Variants in TENM4 observed in about 807,000 individuals in gnomAD.
TENM4 encodes teneurin transmembrane protein 4, also known as teneurin-4.
TENM4 carries 82 observed loss-of-function variants against 243.3 expected under a neutral mutation model. The observed-to-expected ratio is 0.34, with a 90% CI of 0.28 to 0.40. TENM4 has a LOEUF of 0.40. Among genes scored for constraint, TENM4 ranks in the 10% least tolerant of loss-of-function variants. TENM4 has a pLI of 1.00. For synonymous variants in TENM4, 1,412 were observed against 1,456.3 expected (o/e 0.97, Z 0.69); for missense variants, 3,138 against 3,673.3 (o/e 0.85, Z 3.77).
chr11:79,093,846 G>A (rs1861015933), intron 4 of TENM4: 1 of 152,202 alleles, frequency 6.6e-6, no homozygotes, highest in Non-Finnish European at 1.5e-5. Context: ...CCAAGGCCAT[G>A]TACCTTGAGC....
At position 78,654,675 on chromosome 11, in the gene TENM4, G is replaced by C. The variant is rs1006412433; in HGVS notation, c.*3383C>G. ...TCTCCCTAAGTAGAAATCAGGCACT[G>C]GTGTGGTCCTTGGGTTAATTCTCAG... On this transcript the variant is annotated 3_prime_UTR_variant, in exon 34 of 34. Coordinates refer to ENST00000278550, the MANE Select transcript of TENM4 (RefSeq NM_001098816.3). 1 of 152,072 alleles carries C rather than the reference G, an allele frequency of 6.6e-6. No individual in the cohort carries two copies. The highest frequency in any genetic ancestry group is 2.4e-5 in the African/African-American group (1 of 41,378). The allele number at this position is 152,072 out of a possible 1,614,324, so 9.4% of individuals were successfully genotyped here. A position where few individuals can be genotyped will look rare whatever the true frequency, so the allele number is the denominator to read the frequency against.
At chr11:78,838,426 A>T (rs1053254657) in intron 12 of TENM4, among the ~76,000 whole-genome samples, 1 of 152,184 alleles carries the variant, frequency 6.6e-6, no homozygotes, top group Non-Finnish European at 1.5e-5. Flanking sequence ...AACATTTCTC[A>T]ATCTTTTTCT....
In TENM4 at chr11:78,670,158, G is replaced by C. The variant is rs765332754; in HGVS notation, c.6187C>G (p.Leu2063Val). 6.2e-6 allele frequency: 10 copies of C among 1,613,962 alleles called. No individual in the cohort carries two copies. The highest frequency in any genetic ancestry group is 7.6e-6 in the Non-Finnish European group (9 of 1,179,898). ...CTIRYRQIGP[L>V]IDRQIFRFTE... ...AAGCGGAAGATCTGTCGGTCAATCA[G>C]GGGCCCAATCTGACGGTAGCGGATG... is the stretch of plus-strand genomic sequence containing the variant. The change falls in exon 32 of 34, where the codon CTG becomes GTG. Residue 2063 changes from leucine (L) to valine (V), a missense_variant. Leu to Val is a conservative substitution (Grantham distance 32). Around this residue, in one of 2 missense-constraint regions of TENM4, gnomAD observed 2,467 missense variants for 3,059.1 expected, o/e 0.81. Coordinates refer to ENST00000278550, the MANE Select transcript of TENM4 (RefSeq NM_001098816.3).
intron 6 of TENM4, among the ~76,000 whole-genome samples, chr11:79,044,213 A>C (rs1046572783): frequency 2.0e-5 from 3 of 152,252 alleles, no homozygotes; most frequent in Admixed American, 2.0e-4. Flanking sequence ...TAAACACAAA[A>C]GCAGGGCTGT....
intron 16 of TENM4, among the ~76,000 whole-genome samples, chr11:78,785,183 G>C (rs1485144232): frequency 6.6e-6 from 1 of 152,074 alleles, no homozygotes; most frequent in African/African-American, 2.4e-5. Context: ...TTAAAGAAGA[G>C]GCCCCCTCAG....
chr11:79,247,027 A>C (rs2135294844), intron 2 of TENM4, among the ~76,000 whole-genome samples: 1 of 151,112 alleles, frequency 6.6e-6, no homozygotes, highest in East Asian at 2.0e-4. Context: ...ACAAAACCAA[A>C]ATGATAAGGC....
At chr11:79,164,180 T>A (rs1200282276) in intron 3 of TENM4, among the ~76,000 whole-genome samples, 15 of 124,406 alleles carry the variant, frequency 1.2e-4, no homozygotes, top group African/African-American at 4.1e-4. Flanking sequence ...TGGCATACTA[T>A]AGTGTATATA....
At chr11:79,159,880 C>T (rs1339662127) in intron 3 of TENM4, among the ~76,000 whole-genome samples, 1 of 152,144 alleles carries the variant, frequency 6.6e-6, no homozygotes, top group African/African-American at 2.4e-5. Flanking sequence ...ATTCAGTTCC[C>T]CCAATTTTCA....
At position 78,986,683 on chromosome 11, in the gene TENM4, C is replaced by G. The variant is rs369498417; in HGVS notation, c.493+78055G>C. Reference sequence around the variant, plus strand: ...CCACCTCCCGAGTTCAAGCTATTCTCCTGCCTCAGCCTCCTGAGTAGCTGG... The same window carrying G: ...CCACCTCCCGAGTTCAAGCTATTCTGCTGCCTCAGCCTCCTGAGTAGCTGG... On this transcript the variant is annotated intron_variant, in intron 6 of 33. Transcript: ENST00000278550. Among the ~76,000 whole-genome samples the G allele has an allele frequency of 1.8e-4, 27 of 152,334 alleles. No individual in the cohort carries two copies. In the South Asian group the frequency reaches 5.4e-3, roughly 30 times the overall value.
Position 78,879,899 on chromosome 11 carries a change from G to A in TENM4, c.1084+9886C>T, listed in dbSNP as rs552515449. Among the ~76,000 whole-genome samples, 5 of 152,242 alleles carry A rather than the reference G, an allele frequency of 3.3e-5. No homozygotes were observed. In the East Asian group the frequency reaches 9.7e-4, roughly 29 times the overall value. On this transcript the variant is annotated intron_variant, in intron 9 of 33. Coordinates refer to ENST00000278550, the MANE Select transcript of TENM4 (RefSeq NM_001098816.3). ...TCTGCCTGGCTGCCCCGTCTGGGAA[G>A]TGAGGAGCACCTCTGCCCAGCTGCC... is the stretch of plus-strand genomic sequence containing the variant.
At chr11:79,221,653 C>T (rs527726865) in intron 2 of TENM4, among the ~76,000 whole-genome samples, 355 of 152,062 alleles carry the variant, frequency 2.3e-3, no homozygotes, top group Non-Finnish European at 3.8e-3. Context: ...CCTCTCTGTC[C>T]TGAACGTCAA....
chr11:78,863,209 G>A (rs1858868711), intron 9 of TENM4, 77 bp from the exon 10 acceptor site: 3 of 1,402,620 alleles, frequency 2.1e-6, no homozygotes, highest in Admixed American at 2.4e-5. Flanking sequence ...AGGGAAAGGT[G>A]GGCAGGGTGG....
Position 78,658,109 on chromosome 11 carries a change from G to A in TENM4, c.8259C>T (p.Asp2753=), listed in dbSNP as rs764877607. 1.9e-6 allele frequency: 3 copies of A among 1,614,058 alleles called. No homozygotes were observed. Among genetic ancestry groups the A allele is most frequent in the East Asian group, 2.2e-5 (1 of 44,886 alleles). Reference sequence around the variant, plus strand: ...TCATGAAGTGGATGTTGTTGGCGCTGTCTGACAGTTCTGGGTACTGCTCGA... The same window carrying A: ...TCATGAAGTGGATGTTGTTGGCGCTATCTGACAGTTCTGGGTACTGCTCGA... ...ISVEQYPELS[D]SANNIHFMRQ... The change falls in exon 34 of 34, where the codon GAC becomes GAT. Residue 2753 remains aspartate (D), a synonymous_variant. Coordinates refer to ENST00000278550, the MANE Select transcript of TENM4 (RefSeq NM_001098816.3).
At chr11:78,813,814 A>G (rs1857549872) in intron 13 of TENM4, among the ~76,000 whole-genome samples, 1 of 152,208 alleles carries the variant, frequency 6.6e-6, no homozygotes, top group South Asian at 2.1e-4. Context: ...TGGCCTCCTC[A>G]GTCCCTCCCC....
At chr11:78,751,638 G>A (rs1014466640) in intron 19 of TENM4, among the ~76,000 whole-genome samples, 2 of 152,046 alleles carry the variant, frequency 1.3e-5, no homozygotes, top group Non-Finnish European at 2.9e-5. Context: ...GTCCAGCATC[G>A]GCAACCTGTA....
At chr11:79,193,093 C>T (rs1863550108) in intron 3 of TENM4, 1 of 152,332 alleles carries the variant, frequency 6.6e-6, no homozygotes, top group Admixed American at 6.5e-5. Context: ...CAAGCTTTCC[C>T]ACCAGCACCA....
At chr11:79,309,271 C>A (rs980257873) in intron 1 of TENM4, among the ~76,000 whole-genome samples, 1 of 152,160 alleles carries the variant, frequency 6.6e-6, no homozygotes, top group Non-Finnish European at 1.5e-5. Context: ...GTTTGCAGCC[C>A]CTTGGGTTTA....
chr11:79,144,586 T>A (rs549107361), intron 4 of TENM4, among the ~76,000 whole-genome samples: 2 of 151,898 alleles, frequency 1.3e-5, no homozygotes, highest in Non-Finnish European at 2.9e-5. Flanking sequence ...CACAATGGAG[T>A]AATATTCAGC....
chr11:78,719,092 C>T (rs1455818041), intron 25 of TENM4, among the ~76,000 whole-genome samples: 3 of 152,082 alleles, frequency 2.0e-5, no homozygotes, highest in Non-Finnish European at 4.4e-5. Context: ...TCTGGAGCTC[C>T]TCCCTGTGCC....
Sources: gnomAD v4.1 joint callset for allele counts (sites outside exome capture counted in the v4.1 genomes callset) on GRCh38, gnomAD v4.1.1 for gene constraint, gnomAD v4.1.1 regional missense constraint, MANE v1.5 for transcripts, NCBI Gene and HGNC (gene_info 2026-07-23, HGNC 2026-07-21) for gene names.